The following PDE8A variants were observed in gnomAD, a reference collection of about 807,000 sequenced individuals.
The protein encoded by PDE8A is phosphodiesterase 8A, also known as high affinity cAMP-specific and IBMX-insensitive 3',5'-cyclic phosphodiesterase 8A.
Under a neutral mutation model 105.0 loss-of-function variants are expected in PDE8A, and 59 were observed. The ratio of observed to expected loss-of-function variants is 0.56; its 90% CI spans 0.46 to 0.70. The LOEUF (loss-of-function observed/expected upper bound fraction) is 0.70. PDE8A is among the 30% of genes least tolerant of loss of function. PDE8A has a pLI of 0.00. For missense variants in PDE8A, 1,014 were observed against 1,045.9 expected, an observed-to-expected ratio of 0.97 and a Z score of 0.42; for synonymous variants, 355 against 371.9, an observed-to-expected ratio of 0.95 and a Z score of 0.52.
chr15:84,995,613 G>A (rs1490989436), intron 1 of PDE8A, among the ~76,000 whole-genome samples: 4 of 152,112 alleles, frequency 2.6e-5, no homozygotes, highest in Admixed American at 6.5e-5. Flanking sequence ...GAGCTACCAC[G>A]CCCAGTGTAT....
At chr15:85,039,819 T>C (rs1192492219) in intron 1 of PDE8A, among the ~76,000 whole-genome samples, 1 of 152,246 alleles carries the variant, frequency 6.6e-6, no homozygotes, top group Non-Finnish European at 1.5e-5. Context: ...GACTTTCTGC[T>C]AAGTCAAATA....
chr15:84,986,400 C>T (rs1179097257), intron 1 of PDE8A, among the ~76,000 whole-genome samples: 2 of 152,010 alleles, frequency 1.3e-5, no homozygotes, highest in African/African-American at 4.8e-5. Flanking sequence ...CATTCACTTC[C>T]TTCAACCTCT....
At chr15:85,073,953 C>T (rs890891213) in intron 3 of PDE8A, among the ~76,000 whole-genome samples, 2 of 152,144 alleles carry the variant, frequency 1.3e-5, no homozygotes, top group Admixed American at 6.5e-5. Flanking sequence ...CCTGAGGTGG[C>T]GTGTCTGCAA....
intron 1 of PDE8A, among the ~76,000 whole-genome samples, chr15:85,011,477 T>C (rs1188707749): frequency 1.3e-5 from 2 of 152,202 alleles, no homozygotes; most frequent in African/African-American, 4.8e-5. Context: ...CCAGTTTTAA[T>C]TAAATTTTGA....
chr15:85,062,663 G>C (rs2081164827), intron 1 of PDE8A: 1 of 152,222 alleles, frequency 6.6e-6, no homozygotes, highest in African/African-American at 2.4e-5. Context: ...GTTGTGTTCA[G>C]GTTGCTTTAG....
At chr15:84,980,498 G>A (rs1024187879), upstream of PDE8A, 1 of 152,350 alleles carries the variant, frequency 6.6e-6, no homozygotes, top group Non-Finnish European at 1.5e-5. Context: ...GCCGCGCTAG[G>A]AAAGGTGTGG....
intron 6 of PDE8A, among the ~76,000 whole-genome samples, chr15:85,083,849 T>G (rs2081505991): frequency 6.6e-6 from 1 of 152,198 alleles, no homozygotes; most frequent in Admixed American, 6.5e-5. Context: ...AGACTCACAT[T>G]TAAAGATGGA....
chr15:85,136,834 C>A (rs1273322744), intron 21 of PDE8A, among the ~76,000 whole-genome samples, 171 bp downstream of exon 21: 1 of 152,180 alleles, frequency 6.6e-6, no homozygotes, highest in Non-Finnish European at 1.5e-5. Context: ...TCTTTCTTAA[C>A]ACTCCCCGCA....
chr15:85,076,657 T>C, intron 4 of PDE8A, 76 bp from the exon 5 acceptor site: 1 of 868,052 alleles, frequency 1.2e-6, no homozygotes, highest in South Asian at 1.3e-5. Flanking sequence ...AAGTATTATT[T>C]AAATTAGTAG....
At chr15:85,097,220 A>C (rs867428348) in intron 8 of PDE8A, among the ~76,000 whole-genome samples, 17 of 152,232 alleles carry the variant, frequency 1.1e-4, no homozygotes, top group African/African-American at 3.1e-4. Flanking sequence ...GACAAAACCC[A>C]GCTCCATCCT....
chr15:85,120,524 G>A, intron 17 of PDE8A: 1 of 285,550 alleles, frequency 3.5e-6, no homozygotes, highest in Non-Finnish European at 6.5e-6. Context: ...TTTGGTGATG[G>A]GTCTAGAGAA....
At chr15:85,099,402 G>C (rs1403758875) in intron 9 of PDE8A, among the ~76,000 whole-genome samples, 4 of 152,228 alleles carry the variant, frequency 2.6e-5, no homozygotes, top group Admixed American at 1.3e-4. Flanking sequence ...GATCTGTGTG[G>C]GTTCTCTGTT....
At chr15:85,070,773 G>A (rs532696076) in intron 3 of PDE8A, among the ~76,000 whole-genome samples, 7 of 152,282 alleles carry the variant, frequency 4.6e-5, no homozygotes, top group South Asian at 2.1e-4. Flanking sequence ...ACTCTACCCC[G>A]TAGGTAGTTG....
At chr15:85,058,668 G>A (rs187712474) in intron 1 of PDE8A, among the ~76,000 whole-genome samples, 51 of 152,244 alleles carry the variant, frequency 3.3e-4, no homozygotes, top group Non-Finnish European at 6.3e-4. Flanking sequence ...ATTTTATCCA[G>A]ATTATCCAAT....
intron 5 of PDE8A, among the ~76,000 whole-genome samples, chr15:85,081,273 C>T (rs1384371271): frequency 1.3e-5 from 2 of 152,174 alleles, no homozygotes; most frequent in African/African-American, 4.8e-5. Context: ...TGCTAGCTTC[C>T]TCAATTGGAT....
chr15:85,102,476 A>G (rs1322490000), intron 11 of PDE8A, among the ~76,000 whole-genome samples: 3 of 151,904 alleles, frequency 2.0e-5, no homozygotes, highest in Non-Finnish European at 4.4e-5. Flanking sequence ...TGTTATGGAG[A>G]GTCCTACACC....
chr15:85,134,347 C>T (rs2141656933), intron 20 of PDE8A, among the ~76,000 whole-genome samples: 1 of 152,304 alleles, frequency 6.6e-6, no homozygotes, highest in Admixed American at 6.5e-5. Flanking sequence ...CAGGAGAGCG[C>T]CCCGCCCAGG....
intron 1 of PDE8A, among the ~76,000 whole-genome samples, chr15:85,015,246 T>C (rs1156384354): frequency 6.6e-6 from 1 of 150,604 alleles, no homozygotes; most frequent in African/African-American, 2.4e-5. Flanking sequence ...GCATAAGTCT[T>C]TTTTTTTTTG....
chr15:85,061,243 AT>A lies in PDE8A; in HGVS notation c.187-3119del, dbSNP rs1000341760. On this transcript the variant is annotated intron_variant, in intron 1 of 21. Transcript: ENST00000394553. ...TATTTTTCTTCTTTTTTATTTATTT[AT>A]TTTTTTTGAGATGGCATCTTGCTCT... Among the ~76,000 whole-genome samples, 5 of 150,352 alleles carry A rather than the reference AT, an allele frequency of 3.3e-5. No homozygotes were observed. The East Asian group carries it at 5.8e-4, about 18-fold the overall frequency.
Sources: allele counts gnomAD v4.1 joint callset (sites outside exome capture counted in the v4.1 genomes callset), GRCh38; gene constraint gnomAD v4.1.1; transcripts MANE v1.5; gene names NCBI Gene and HGNC (gene_info 2026-07-23, HGNC 2026-07-21).